PIK3CA: variants seen among roughly 807,000 people sequenced by gnomAD.
The protein encoded by PIK3CA is phosphatidylinositol 4,5-bisphosphate 3-kinase catalytic subunit alpha isoform.
In PIK3CA, 27 loss-of-function variants were observed where a neutral mutation model predicts 138.2. The observed-to-expected ratio is 0.20, with a 90% confidence interval of 0.14 to 0.27. PIK3CA has a LOEUF of 0.27. PIK3CA is among the 10% of genes least tolerant of loss of function. The pLI, the probability that PIK3CA is intolerant of heterozygous loss-of-function variation, is 1.00. For synonymous variants in PIK3CA, 358 were observed against 413.2 expected, an observed-to-expected ratio of 0.87 and a Z score of 1.62; for missense variants, 544 against 1,277.4, an observed-to-expected ratio of 0.43 and a Z score of 8.75.
chr3:179,179,203 G>A (rs1723779274), intron 1 of PIK3CA, among the ~76,000 whole-genome samples: 1 of 152,172 alleles, frequency 6.6e-6, no homozygotes, highest in Admixed American at 6.5e-5. Context: ...AAAAATTGAT[G>A]TAGGAATTTT....
At chr3:179,212,024 T>G (rs1381933450) in intron 9 of PIK3CA, among the ~76,000 whole-genome samples, 1 of 152,082 alleles carries the variant, frequency 6.6e-6, no homozygotes, top group Admixed American at 6.5e-5. Flanking sequence ...TTTGTTTTTT[T>G]GAGATGGCGT....
rs573401139 is a variant in PIK3CA at position 179,195,174 on chromosome 3, C to T, written c.-76-3576C>T. On this transcript the variant is annotated intron_variant, in intron 1 of 20. Coordinates refer to ENST00000263967, the MANE Select transcript of PIK3CA (RefSeq NM_006218.4). ...CTGAGCCACTCAGTACTCTTCCAGG[C>T]TTGTGTGTGAGCCTTGCCACCTTCA... Among the ~76,000 whole-genome samples, 5 of 151,548 alleles carry T rather than the reference C, an allele frequency of 3.3e-5. No individual in the cohort carries two copies. In the East Asian group the frequency reaches 9.8e-4, roughly 30 times the overall value.
chr3:179,157,467 A>G (rs111337706), intron 1 of PIK3CA, among the ~76,000 whole-genome samples: 270 of 152,282 alleles, frequency 1.8e-3, no homozygotes, highest in African/African-American at 6.3e-3. Context: ...ACCAGCTTTC[A>G]GATTTCTTAG....
chr3:179,148,811 C>T (rs983682299), intron 1 of PIK3CA, among the ~76,000 whole-genome samples: 1 of 152,144 alleles, frequency 6.6e-6, no homozygotes, highest in Non-Finnish European at 1.5e-5. Context: ...GGCGAGGGCT[C>T]GCCGCTCCCT....
At chr3:179,156,382 G>T (rs1356322508) in intron 1 of PIK3CA, among the ~76,000 whole-genome samples, 1 of 152,190 alleles carries the variant, frequency 6.6e-6, no homozygotes, top group African/African-American at 2.4e-5. Context: ...AAGGCCAGCA[G>T]ACTTGTCACA....
At chr3:179,217,175 T>C (rs1724854658) in intron 9 of PIK3CA, among the ~76,000 whole-genome samples, 2 of 152,148 alleles carry the variant, frequency 1.3e-5, no homozygotes, top group African/African-American at 4.8e-5. Flanking sequence ...CCATCTGCAA[T>C]AGTCTTTCCC....
At chr3:179,210,123 G>GA (rs1251715111) in intron 7 of PIK3CA, 63 bp from the exon 8 acceptor site, 4 of 1,282,144 alleles carry the variant, frequency 3.1e-6, no homozygotes, top group South Asian at 2.9e-5. Flanking sequence ...TTTTGGGGAA[G>GA]AAAAGTGTTT....
At chr3:179,157,986 A>T (rs1723181832) in intron 1 of PIK3CA, among the ~76,000 whole-genome samples, 1 of 152,156 alleles carries the variant, frequency 6.6e-6, no homozygotes, top group African/African-American at 2.4e-5. Flanking sequence ...TGTGTTGTAC[A>T]TAGTAAGCAC....
In PIK3CA at chr3:179,230,915, C is replaced by G. The variant is rs1395957508; in HGVS notation, c.2936+539C>G. Among the ~76,000 whole-genome samples, 2 of 152,032 alleles carry G rather than the reference C, an allele frequency of 1.3e-5. No homozygotes were observed. The highest frequency in any genetic ancestry group is 4.8e-5 in the African/African-American group (2 of 41,384). On this transcript the variant is annotated intron_variant, in intron 20 of 20. Coordinates refer to ENST00000263967, the MANE Select transcript of PIK3CA (RefSeq NM_006218.4). This position sits in a 1 kb window ranked among gnomAD's most constrained non-coding sequence, Gnocchi z 5.4. Reference sequence around the variant, plus strand: ...TGGTAAAGTCTGAGATTTTAGCGCACCTGTAACCCAAGTAGTGTGCTTTGC... The same window carrying G: ...TGGTAAAGTCTGAGATTTTAGCGCAGCTGTAACCCAAGTAGTGTGCTTTGC...
At chr3:179,175,820 T>C (rs77244329) in intron 1 of PIK3CA, among the ~76,000 whole-genome samples, 9 of 152,246 alleles carry the variant, frequency 5.9e-5, no homozygotes, top group African/African-American at 2.2e-4. Flanking sequence ...CCCATCATTC[T>C]CTGTTTCTCA....
At chr3:179,155,257 C>G (rs933717976) in intron 1 of PIK3CA, among the ~76,000 whole-genome samples, 3 of 152,192 alleles carry the variant, frequency 2.0e-5, no homozygotes, top group African/African-American at 7.2e-5. Flanking sequence ...TCAGCACATA[C>G]TGTAGTGTCC....
At chr3:179,195,030 A>C (rs1390296993) in intron 1 of PIK3CA, among the ~76,000 whole-genome samples, 11 of 143,480 alleles carry the variant, frequency 7.7e-5, no homozygotes, top group East Asian at 2.0e-4. Flanking sequence ...AAAAAAAAAA[A>C]CACAGGGTAG....
chr3:179,218,756 G>A (rs1724899137), intron 10 of PIK3CA, among the ~76,000 whole-genome samples: 1 of 151,902 alleles, frequency 6.6e-6, no homozygotes, highest in Non-Finnish European at 1.5e-5. Context: ...TGCTGTTGGT[G>A]ATACGGGTAT....
chr3:179,193,694 A>C (rs557681908), intron 1 of PIK3CA, among the ~76,000 whole-genome samples: 1 of 152,378 alleles, frequency 6.6e-6, no homozygotes, highest in Admixed American at 6.5e-5. Context: ...ACAGTCTTCA[A>C]ATTGAAATAA....
At chr3:179,186,674 C>T (rs1553818391) in intron 1 of PIK3CA, among the ~76,000 whole-genome samples, 1 of 152,054 alleles carries the variant, frequency 6.6e-6, no homozygotes, top group African/African-American at 2.4e-5. Context: ...TTTTGGTTAT[C>T]ATCAATATAG....
intron 1 of PIK3CA, among the ~76,000 whole-genome samples, chr3:179,150,435 C>T (rs2108346514): frequency 6.6e-6 from 1 of 152,078 alleles, no homozygotes; most frequent in Middle Eastern, 3.4e-3. Flanking sequence ...TAAAGACATT[C>T]CTGTCAGTTT....
intron 1 of PIK3CA, among the ~76,000 whole-genome samples, chr3:179,172,900 C>T (rs984343291): frequency 6.6e-6 from 1 of 152,082 alleles, no homozygotes; most frequent in Non-Finnish European, 1.5e-5. Flanking sequence ...TTACAAGTAC[C>T]TGATTTGTAC....
rs2108432899 is a variant in PIK3CA, at chr3:179,237,757, A to T, written c.*3393A>T. 1 of 211,242 alleles carries T rather than the reference A, an allele frequency of 4.7e-6. No individual in the cohort carries two copies. The highest frequency in any genetic ancestry group is 1.9e-4 in the South Asian group (1 of 5,336). 13.1% of individuals were successfully genotyped at this position (211,242 alleles called of 1,614,324 possible). On this transcript the variant is annotated 3_prime_UTR_variant, in exon 21 of 21. Coordinates refer to ENST00000263967, the MANE Select transcript of PIK3CA (RefSeq NM_006218.4). ...TTAATGATGTAAATCCGTTTAATTC[A>T]TACTTTGATCAATAGCCCATGCTTG...
At chr3:179,226,927 T>A (rs986205471) in intron 17 of PIK3CA, among the ~76,000 whole-genome samples, 2 of 152,064 alleles carry the variant, frequency 1.3e-5, no homozygotes, top group African/African-American at 2.4e-5. Flanking sequence ...ATGAATCAAA[T>A]TTCATTTTTT....
Sources: gnomAD v4.1 joint callset for allele counts (sites outside exome capture counted in the v4.1 genomes callset) on GRCh38, gnomAD v4.1.1 for gene constraint, Gnocchi (gnomAD v3.1) non-coding constraint, MANE v1.5 for transcripts, NCBI Gene and HGNC (gene_info 2026-07-23, HGNC 2026-07-21) for gene names.